Variants in ARHGAP11A observed in about 807,000 individuals in gnomAD.
ARHGAP11A encodes Rho GTPase activating protein 11A.
ARHGAP11A carries 36 observed loss-of-function variants against 60.5 expected under a neutral mutation model. That is an observed-to-expected ratio of 0.59 (90% CI 0.46 to 0.79). ARHGAP11A has a LOEUF of 0.79. Among genes scored for constraint, ARHGAP11A ranks in the 30% least tolerant of loss-of-function variants. The pLI is 0.00. For missense variants in ARHGAP11A, 1,071 were observed against 1,199.2 expected (o/e 0.89, Z 1.58); for synonymous variants, 362 against 415.5 (o/e 0.87, Z 1.57).
Position 32,638,232 on chromosome 15 carries a change from C to G in ARHGAP11A, c.*387C>G, listed in dbSNP as rs989952837. The stretch of plus-strand genomic sequence containing the variant: ...GGGACTACAGGTGCCCGCCACCACG[C>G]CCAGCTAATTTTTTGTATTTTTAGT... On this transcript the variant is annotated 3_prime_UTR_variant, in exon 12 of 12. Transcript: ENST00000361627. The G allele has an allele frequency of 6.1e-6, 1 of 162,782 alleles. No individual in the cohort carries two copies. Among genetic ancestry groups the G allele is most frequent in the South Asian group, 1.8e-4 (1 of 5,470 alleles). 10.1% of individuals were successfully genotyped at this position (162,782 alleles called of 1,614,324 possible).
chr15:32,627,030 GGA>G (rs1204332151), intron 6 of ARHGAP11A, among the ~76,000 whole-genome samples: 3 of 152,310 alleles, frequency 2.0e-5, no homozygotes, highest in Middle Eastern at 3.4e-3. Flanking sequence ...TATCCCCAAT[GGA>G]GATATTTCTC....
At chr15:32,628,132 A>G (rs1229344533) in intron 6 of ARHGAP11A, among the ~76,000 whole-genome samples, 6 of 152,232 alleles carry the variant, frequency 3.9e-5, no homozygotes, top group Non-Finnish European at 8.8e-5. Flanking sequence ...TTAAATGTAT[A>G]ACTCTACTCA....
In ARHGAP11A at chr15:32,615,996, A is replaced by T; in HGVS notation, c.-216A>T. On this transcript the variant is annotated 5_prime_UTR_variant, in exon 1 of 12. The change creates a new upstream start codon in the 5' untranslated region. Coordinates refer to ENST00000361627, the MANE Select transcript of ARHGAP11A (RefSeq NM_014783.6). Reference sequence around the variant, plus strand: ...GAAGAGTGAGGTGTGGCTGGATCAAAGGGCTAAGAGAAGCGGGTCTGTGTA... The same window carrying T: ...GAAGAGTGAGGTGTGGCTGGATCAATGGGCTAAGAGAAGCGGGTCTGTGTA... 1 of 620,258 alleles carries T rather than the reference A, an allele frequency of 1.6e-6. No homozygotes were observed. Among genetic ancestry groups the T allele is most frequent in the South Asian group, 2.4e-5 (1 of 42,120 alleles). The allele number at this position is 620,258 out of a possible 1,614,324, so 38.4% of individuals were successfully genotyped here.
Position 32,629,606 on chromosome 15 carries a change from GAATCACCA to G in ARHGAP11A, c.950_957del (p.Glu317GlyfsTer8). 1.2e-6 allele frequency: 2 copies of G among 1,607,084 alleles called. No individual in the cohort carries two copies. The highest frequency in any genetic ancestry group is 1.7e-6 in the Non-Finnish European group (2 of 1,177,138). ...TGATATTTTTTCAGCCCAGCTATCT[GAATCACCA>G]GTGATTCTTACACCAAATGCTAAGC... On this transcript the variant is annotated frameshift_variant, in exon 8 of 12. Coordinates refer to ENST00000361627, the MANE Select transcript of ARHGAP11A (RefSeq NM_014783.6). LOFTEE classifies it high-confidence loss of function.
chr15:32,622,626 T>C (rs1403772277), intron 2 of ARHGAP11A, among the ~76,000 whole-genome samples: 3 of 152,032 alleles, frequency 2.0e-5, no homozygotes, highest in Admixed American at 1.3e-4. Context: ...GTAGCCGATA[T>C]TCATTCTAAT....
At chr15:32,636,097 A>G in intron 11 of ARHGAP11A, 160 bp from the exon 12 acceptor site, 1 of 1,389,808 alleles carries the variant, frequency 7.2e-7, no homozygotes, top group Non-Finnish European at 9.4e-7. Context: ...TATACATGTA[A>G]ATATGAAAAT....
chr15:32,635,316 C>T (rs1316304992), intron 10 of ARHGAP11A, among the ~76,000 whole-genome samples: 1 of 152,246 alleles, frequency 6.6e-6, no homozygotes, highest in Admixed American at 6.5e-5. Flanking sequence ...TTCTTCACCA[C>T]TCCATATCCT....
chr15:32,627,258 ATCTTTATCC>A (rs2053480468), intron 6 of ARHGAP11A, among the ~76,000 whole-genome samples: 2 of 152,042 alleles, frequency 1.3e-5, no homozygotes, highest in South Asian at 4.1e-4. Context: ...TGAAATGACC[ATCTTTATCC>A]TCTTTATCCT....
At chr15:32,617,484 T>G (rs1472723716) in intron 1 of ARHGAP11A, among the ~76,000 whole-genome samples, 3 of 139,200 alleles carry the variant, frequency 2.2e-5, no homozygotes, top group African/African-American at 5.5e-5. Flanking sequence ...TTTTTTTTTT[T>G]TTTTTGAGAT....
Position 32,636,820 on chromosome 15 carries a change from A to T in ARHGAP11A, c.2047A>T (p.Asn683Tyr). ...TTCACCCCTTCAAACTCAAACATTT[A>T]ATAGAGAAACAACTATAAAATGTTA... ...DFSPLQTQTF[N>Y]RETTIKCYST... is the part of the protein sequence containing the mutation. The change falls in exon 12 of 12, where the codon AAT becomes TAT. Residue 683 changes from asparagine to tyrosine, a missense_variant. Transcript: ENST00000361627. The T allele has an allele frequency of 6.2e-7, 1 of 1,607,862 alleles. No homozygotes were observed. The highest frequency in any genetic ancestry group is 1.3e-5 in the African/African-American group (1 of 74,572).
chr15:32,632,649 C>T (rs1194881413), intron 8 of ARHGAP11A, among the ~76,000 whole-genome samples: 1 of 152,152 alleles, frequency 6.6e-6, no homozygotes, highest in Non-Finnish European at 1.5e-5. Flanking sequence ...ATGGAGCAAA[C>T]TCAAGCCTGT....
intron 1 of ARHGAP11A, among the ~76,000 whole-genome samples, chr15:32,617,573 G>C (rs1284322756): frequency 1.4e-5 from 2 of 146,050 alleles, no homozygotes; most frequent in Admixed American, 7.1e-5. Context: ...CCGGGTTCAC[G>C]CCATTCTCCT....
At chr15:32,634,140 C>T (rs911324168) in intron 10 of ARHGAP11A, 99 bp downstream of exon 10, 28 of 768,844 alleles carry the variant, frequency 3.6e-5, no homozygotes, top group Non-Finnish European at 5.1e-5. Context: ...CAGTGACTGT[C>T]TCATTCTGTT....
rs533177365 is a variant in ARHGAP11A, at chr15:32,627,741, TA to T, written c.863-980del. Among the ~76,000 whole-genome samples the T allele has an allele frequency of 6.0e-3, 903 of 151,282 alleles. 11 individuals are homozygous for T. The highest frequency in any genetic ancestry group is 0.021 in the African/African-American group (858 of 41,294). ...GAGACTCCGTCTCAAAAATAAAAAT[TA>T]AAAAAAGAATCTTCTTGGTCTTTAT... On this transcript the variant is annotated intron_variant, in intron 6 of 11. Coordinates refer to ENST00000361627, the MANE Select transcript of ARHGAP11A (RefSeq NM_014783.6).
At chr15:32,630,386 C>G (rs1164774185) in intron 8 of ARHGAP11A, among the ~76,000 whole-genome samples, 26 of 109,802 alleles carry the variant, frequency 2.4e-4, no homozygotes, top group South Asian at 3.4e-4. Flanking sequence ...AGAGTATGAT[C>G]ATGCTAATCC....
At position 32,615,919 on chromosome 15, in the gene ARHGAP11A, G is replaced by A. The variant is rs992465027; in HGVS notation, c.-293G>A. ...CCGAAAGAATCAGAAAGAAGTCTAT[G>A]TGAGTAGCTGAAAGCATTGGGTGAC... On this transcript the variant is annotated 5_prime_UTR_variant, in exon 1 of 12. It adds an upstream start codon to the 5' untranslated region. Coordinates refer to ENST00000361627, the MANE Select transcript of ARHGAP11A (RefSeq NM_014783.6). 7 of 459,768 alleles carry A rather than the reference G, an allele frequency of 1.5e-5. No homozygotes were observed. Among genetic ancestry groups the A allele is most frequent in the African/African-American group, 1.2e-4 (6 of 51,094 alleles). The allele number at this position is 459,768 out of a possible 1,614,324, so 28.5% of individuals were successfully genotyped here. A position where few individuals can be genotyped will look rare whatever the true frequency, so the allele number is the denominator to read the frequency against.
intron 2 of ARHGAP11A, among the ~76,000 whole-genome samples, chr15:32,622,121 A>G (rs1159692126): frequency 6.6e-6 from 1 of 152,312 alleles, no homozygotes; most frequent in African/African-American, 2.4e-5. Context: ...ATGAACACCT[A>G]TAATGATTTT....
chr15:32,620,424 C>T (rs2053268972), intron 2 of ARHGAP11A, among the ~76,000 whole-genome samples: 1 of 151,768 alleles, frequency 6.6e-6, no homozygotes. Flanking sequence ...CTGCAGTGAG[C>T]CTTCTAGCCA....
rs1428756292 is a variant in ARHGAP11A, at chr15:32,637,570, A to G, written c.2797A>G (p.Lys933Glu). ...LPSKSFLKMR[K>E]HPDSVNASLR... The stretch of plus-strand genomic sequence containing the variant: ...CTCGAAATCTTTCTTAAAGATGAGG[A>G]AGCACCCAGATTCAGTGAATGCTTC... The change falls in exon 12 of 12, where the codon AAG becomes GAG. Residue 933 changes from lysine (K) to glutamate (E), a missense_variant. Lys to Glu is a moderately conservative substitution (Grantham distance 56). Coordinates refer to ENST00000361627, the MANE Select transcript of ARHGAP11A (RefSeq NM_014783.6). The G allele has an allele frequency of 6.2e-7, 1 of 1,614,182 alleles. No homozygotes were observed. Among genetic ancestry groups the G allele is most frequent in the Admixed American group, 1.7e-5 (1 of 60,026 alleles).
Sources: allele counts gnomAD v4.1 joint callset (sites outside exome capture counted in the v4.1 genomes callset), GRCh38; gene constraint gnomAD v4.1.1; transcripts MANE v1.5; gene names NCBI Gene and HGNC (gene_info 2026-07-23, HGNC 2026-07-21).